SYT7: variants seen among roughly 807,000 people sequenced by gnomAD.
The protein encoded by SYT7 is synaptotagmin 7.
Under a neutral mutation model 75.1 loss-of-function variants are expected in SYT7, and 29 were observed. The ratio of observed to expected loss-of-function variants is 0.39; its 90% confidence interval spans 0.29 to 0.53. The LOEUF (loss-of-function observed/expected upper bound fraction) is 0.53, where lower values mean the gene tolerates loss of function less well. Among genes scored for constraint, SYT7 ranks in the 20% least tolerant of loss-of-function variants. SYT7 has a pLI of 0.77. For missense variants in SYT7, 693 were observed against 953.2 expected (o/e 0.73, Z 3.59); for synonymous variants, 376 against 401.7 (o/e 0.94, Z 0.76).
intron 6 of SYT7, chr11:61,540,852 T>C (rs2063021443): frequency 1.0e-6 from 1 of 985,398 alleles, no homozygotes; most frequent in Admixed American, 6.1e-5. Context: ...TCACAGCCTC[T>C]GTCCCAAAAC....
At chr11:61,527,784 T>G in intron 9 of SYT7, 131 bp downstream of exon 9, 6 of 1,054,442 alleles carry the variant, frequency 5.7e-6, no homozygotes, top group African/African-American at 1.6e-5. Flanking sequence ...TGCATGTGTG[T>G]TTGTGCATTT....
intron 1 of SYT7, among the ~76,000 whole-genome samples, chr11:61,560,875 C>T (rs769834640): frequency 3.3e-4 from 50 of 152,156 alleles, no homozygotes; most frequent in Non-Finnish European, 5.4e-4. Context: ...CCTTCCTGGA[C>T]GGGCATTGTT....
At position 61,546,189 on chromosome 11, in the gene SYT7, C is replaced by A. The variant is rs932382693; in HGVS notation, c.414G>T (p.Arg138=). 3.1e-5 allele frequency: 47 copies of A among 1,517,944 alleles called. No individual in the cohort carries two copies. The highest frequency in any genetic ancestry group is 3.9e-5 in the Non-Finnish European group (44 of 1,139,852). The allele number at this position is 1,517,944 out of a possible 1,614,324, so 94.0% of individuals were successfully genotyped here. A position where few individuals can be genotyped will look rare whatever the true frequency, so the allele number is the denominator to read the frequency against. Residue 138 remains arginine (R), a synonymous_variant, in exon 5 of 13, where the codon CGG becomes CGT. Coordinates refer to ENST00000539008, the MANE Select transcript of SYT7 (RefSeq NM_001365809.2). This position sits in a 1 kb window ranked among gnomAD's most constrained non-coding sequence, Gnocchi z 7.6. The part of the protein sequence containing the change: ...AAGLAVEREG[R]LGEKPAPVPP... ...GCACCGGTGCCGGCTTCTCCCCCAG[C>A]CGGCCTTCCCGCTCCACCGCCAGCC... is the stretch of plus-strand genomic sequence containing the variant.
chr11:61,544,516 G>C (rs1344271587), intron 5 of SYT7, among the ~76,000 whole-genome samples: 1 of 152,204 alleles, frequency 6.6e-6, no homozygotes, highest in Non-Finnish European at 1.5e-5. Flanking sequence ...GGCCGGCCCA[G>C]GCCTGGCCGG....
At chr11:61,547,079 G>T in intron 4 of SYT7, 98 bp downstream of exon 4, 1 of 1,389,250 alleles carries the variant, frequency 7.2e-7, no homozygotes, top group Non-Finnish European at 9.7e-7. Flanking sequence ...GAGGAGAGAG[G>T]GAGTGAGCGG....
At chr11:61,567,351 G>T (rs1307123415) in intron 1 of SYT7, among the ~76,000 whole-genome samples, 1 of 134,916 alleles carries the variant, frequency 7.4e-6, no homozygotes, top group Non-Finnish European at 1.5e-5. Context: ...CCGCCCCCCA[G>T]AGCTGTCCAA....
intron 1 of SYT7, among the ~76,000 whole-genome samples, chr11:61,573,997 A>G (rs539460512): frequency 1.2e-4 from 18 of 152,356 alleles, no homozygotes; most frequent in Non-Finnish European, 2.2e-4. Flanking sequence ...CCTGGCACAT[A>G]GTGAGCACAC....
intron 3 of SYT7, among the ~76,000 whole-genome samples, chr11:61,550,035 G>A (rs914591703): frequency 2.6e-5 from 4 of 152,148 alleles, no homozygotes; most frequent in East Asian, 1.9e-4. Flanking sequence ...GCTCCCCCAC[G>A]TGCTCCCTCG....
intron 1 of SYT7, among the ~76,000 whole-genome samples, chr11:61,578,494 C>T (rs2064147418): frequency 1.3e-5 from 2 of 151,808 alleles, no homozygotes; most frequent in South Asian, 4.2e-4. Flanking sequence ...ACACATAAAT[C>T]AATTTGCATA....
chr11:61,562,049 CACACACACACACACACACGCACGCACGT>C (rs1332888184), intron 1 of SYT7, among the ~76,000 whole-genome samples: 1 of 124,432 alleles, frequency 8.0e-6, no homozygotes, highest in Non-Finnish European at 1.6e-5. Flanking sequence ...CACACATATG[CACACACACACACACACACGCACGCACGT>C]ACACACACAC....
At chr11:61,521,971 T>C (rs1473324049) in intron 12 of SYT7, among the ~76,000 whole-genome samples, 3 of 152,264 alleles carry the variant, frequency 2.0e-5, no homozygotes, top group East Asian at 3.9e-4. Context: ...GAGGAGAAAA[T>C]GAGGCTCAGA....
In SYT7 at chr11:61,533,527, G is replaced by A. The variant is rs1192954137; in HGVS notation, c.1065-403C>T. ...TGGAAGGGGGAGGCTCCACCGTGGT[G>A]TGGTGTGTCCAGGTGCCTCTCCGCG... On this transcript the variant is annotated intron_variant, in intron 7 of 12. Transcript: ENST00000539008. 7 of 985,454 alleles carry A rather than the reference G, an allele frequency of 7.1e-6. No homozygotes were observed. In the Admixed American group the frequency reaches 3.7e-4, roughly 52 times the overall value. The allele number at this position is 985,454 out of a possible 1,614,324, so 61.0% of individuals were successfully genotyped here. A position where few individuals can be genotyped will look rare whatever the true frequency, so the allele number is the denominator to read the frequency against.
intron 1 of SYT7, among the ~76,000 whole-genome samples, chr11:61,570,509 T>C (rs2063894044): frequency 2.0e-5 from 3 of 152,222 alleles, no homozygotes; most frequent in Admixed American, 2.0e-4. Flanking sequence ...TGTGTCACTA[T>C]TATTCCATTA....
intron 7 of SYT7, among the ~76,000 whole-genome samples, chr11:61,536,929 C>A (rs1242002769): frequency 3.9e-5 from 6 of 152,222 alleles, no homozygotes; most frequent in Non-Finnish European, 8.8e-5. Context: ...CATGCCCCAG[C>A]CCAAAGGCCT....
In SYT7 at chr11:61,524,785, C is replaced by T. The variant is rs375696452; in HGVS notation, c.1472-253G>A. 6.0e-5 allele frequency: 25 copies of T among 414,414 alleles called. No homozygotes were observed. The highest frequency in any genetic ancestry group is 1.8e-4 in the East Asian group (4 of 22,504). The allele number at this position is 414,414 out of a possible 1,614,324, so 25.7% of individuals were successfully genotyped here. On this transcript the variant is annotated intron_variant, in intron 9 of 12. Coordinates refer to ENST00000539008, the MANE Select transcript of SYT7 (RefSeq NM_001365809.2). This position sits in a 1 kb window ranked among gnomAD's most constrained non-coding sequence, Gnocchi z 4.1. ...GTCCATCTTACAGATGAGGCTCAGACGGCTTAAAGTACTTGCCCAGACTCC... is the reference window on the plus strand; with the variant it reads ...GTCCATCTTACAGATGAGGCTCAGATGGCTTAAAGTACTTGCCCAGACTCC...
At chr11:61,544,869 C>A (rs533363892) in intron 5 of SYT7, among the ~76,000 whole-genome samples, 3 of 152,122 alleles carry the variant, frequency 2.0e-5, no homozygotes, top group Admixed American at 6.5e-5. Context: ...AGCCAACTAG[C>A]GAAAGAGATC....
upstream of SYT7, among the ~76,000 whole-genome samples, chr11:61,586,048 A>G (rs3888134): frequency 0.032 from 4,816 of 152,192 alleles, 285 homozygotes; most frequent in African/African-American, 0.11. Flanking sequence ...GACTTTCCAT[A>G]GCTATAGGCC....
chr11:61,588,152 C>T, the SYT7 span, among the ~76,000 whole-genome samples: 33 of 152,160 alleles, frequency 2.2e-4, no homozygotes, highest in Admixed American at 2.1e-3. Flanking sequence ...TGGGCGAGTT[C>T]AGGTGGCCAG....
At chr11:61,587,881 C>A in the SYT7 span, among the ~76,000 whole-genome samples, 1 of 151,582 alleles carries the variant, frequency 6.6e-6, no homozygotes, top group African/African-American at 2.4e-5. Flanking sequence ...TGAGAGGACC[C>A]GTCCACGCCG....
Sources: allele counts gnomAD v4.1 joint callset (sites outside exome capture counted in the v4.1 genomes callset), GRCh38; gene constraint gnomAD v4.1.1; non-coding constraint Gnocchi (gnomAD v3.1); transcripts MANE v1.5; gene names NCBI Gene and HGNC (gene_info 2026-07-23, HGNC 2026-07-21).